Variants in ZFHX3 observed in about 807,000 individuals in gnomAD.
ZFHX3 encodes zinc finger homeobox protein 3.
Under a neutral mutation model 279.1 loss-of-function variants are expected in ZFHX3, and 42 were observed. The ratio of observed to expected loss-of-function variants is 0.15; its 90% CI spans 0.12 to 0.19. ZFHX3 has a LOEUF of 0.19. Ranked by LOEUF, ZFHX3 falls within the 10% of genes least tolerant of loss-of-function variation. The probability of loss-of-function intolerance (pLI) is 1.00; values close to 1 mark genes in which losing one functional copy is unlikely to be tolerated. For missense variants in ZFHX3, 4,981 were observed against 4,754.0 expected (o/e 1.05, Z -1.40); for synonymous variants, 2,293 against 1,957.8 (o/e 1.17, Z -4.52).
chr16:73,045,344 T>C (rs1965254957), intron 1 of ZFHX3, among the ~76,000 whole-genome samples: 1 of 152,240 alleles, frequency 6.6e-6, no homozygotes, highest in Non-Finnish European at 1.5e-5. Flanking sequence ...TGGGAGTGTC[T>C]AGCAAGCATC....
intron 3 of ZFHX3, among the ~76,000 whole-genome samples, chr16:72,935,463 G>A (rs1027248904): frequency 4.6e-5 from 7 of 152,134 alleles, no homozygotes; most frequent in African/African-American, 9.7e-5. Context: ...TCTTTTGGCC[G>A]GGTGCGGTAG....
chr16:72,853,268 A>T (rs2037664751), intron 4 of ZFHX3, among the ~76,000 whole-genome samples: 1 of 152,234 alleles, frequency 6.6e-6, no homozygotes, highest in Admixed American at 6.5e-5. Flanking sequence ...GGTGATTATG[A>T]TCAAGGTTCT....
chr16:73,493,968 A>C (rs1420438965), intron 2 of ZFHX3, among the ~76,000 whole-genome samples: 2 of 152,078 alleles, frequency 1.3e-5, no homozygotes, highest in African/African-American at 2.4e-5. Context: ...AAATGGCCTC[A>C]CTTCCTCCCC....
intron 3 of ZFHX3, among the ~76,000 whole-genome samples, chr16:73,356,089 A>T (rs2016335985): frequency 6.6e-6 from 1 of 152,238 alleles, no homozygotes; most frequent in South Asian, 2.1e-4. Context: ...GAATTAAAGA[A>T]GAGATCCAGG....
At chr16:73,697,625 C>T (rs943574131) in intron 1 of ZFHX3, among the ~76,000 whole-genome samples, 4 of 152,252 alleles carry the variant, frequency 2.6e-5, no homozygotes, top group Non-Finnish European at 2.9e-5. Context: ...CAAGACTTGG[C>T]TTAAAATTCT....
At chr16:72,909,891 A>AAG (rs1317737834) in intron 3 of ZFHX3, among the ~76,000 whole-genome samples, 1 of 150,250 alleles carries the variant, frequency 6.7e-6, no homozygotes, top group Non-Finnish European at 1.5e-5. Flanking sequence ...AAAAAAAAAA[A>AAG]AAAAAAAAAT....
At position 73,289,646 on chromosome 16, in the gene ZFHX3, A is replaced by C. The variant is rs116582448; in HGVS notation, c.-1194+28594T>G. On this transcript the variant is annotated intron_variant, in intron 4 of 17. Transcript: ENST00000641206. Reference sequence around the variant, plus strand: ...GCCATCCCCAAGCAGGAGCTGCATCATCCTTTCCTAGTACACCCGCTCTGC... The same window carrying C: ...GCCATCCCCAAGCAGGAGCTGCATCCTCCTTTCCTAGTACACCCGCTCTGC... 7.5e-3 allele frequency among the ~76,000 whole-genome samples: 1,142 copies of C among 152,080 alleles called. 16 individuals are homozygous for C. The highest frequency in any genetic ancestry group is 0.026 in the African/African-American group (1,090 of 41,494).
chr16:73,798,883 C>A (rs1189730717), intron 1 of ZFHX3, among the ~76,000 whole-genome samples: 2 of 152,206 alleles, frequency 1.3e-5, no homozygotes, highest in Non-Finnish European at 2.9e-5. Flanking sequence ...CACGAAAACC[C>A]TGCCTGATGT....
At chr16:73,021,599 G>A (rs1037950353) in intron 1 of ZFHX3, among the ~76,000 whole-genome samples, 2 of 152,052 alleles carry the variant, frequency 1.3e-5, no homozygotes, top group African/African-American at 4.8e-5. Flanking sequence ...GGGAGGCTGA[G>A]GTGGGTAGAT....
At chr16:72,942,312 G>C (rs1277074359) in intron 3 of ZFHX3, among the ~76,000 whole-genome samples, 1 of 152,184 alleles carries the variant, frequency 6.6e-6, no homozygotes, top group Non-Finnish European at 1.5e-5. Context: ...GAATGCAGAA[G>C]CAACGGAATA....
chr16:73,614,980 G>A (rs535773428), intron 2 of ZFHX3, among the ~76,000 whole-genome samples: 3 of 151,990 alleles, frequency 2.0e-5, no homozygotes, highest in South Asian at 2.1e-4. Flanking sequence ...GGCTGATCTC[G>A]AACTCCTGGG....
At chr16:73,014,594 C>G (rs1964033571) in intron 1 of ZFHX3, 1 of 122,300 alleles carries the variant, frequency 8.2e-6, no homozygotes, top group Non-Finnish European at 1.6e-5. Flanking sequence ...GTGGTGCGAT[C>G]TTAACTCACT....
At chr16:73,300,524 G>A (rs79501458) in intron 4 of ZFHX3, among the ~76,000 whole-genome samples, 7 of 150,416 alleles carry the variant, frequency 4.7e-5, no homozygotes, top group Non-Finnish European at 1.0e-4. Flanking sequence ...TTTTTTTTTG[G>A]ACAGAATCTC....
At chr16:73,729,295 AGTGG>A (rs1401753698) in intron 1 of ZFHX3, among the ~76,000 whole-genome samples, 1 of 152,154 alleles carries the variant, frequency 6.6e-6, no homozygotes, top group Non-Finnish European at 1.5e-5. Flanking sequence ...TGGAGGCCAA[AGTGG>A]GTGGATCATT....
chr16:72,948,180 G>C (rs1307635648), intron 3 of ZFHX3, among the ~76,000 whole-genome samples: 1 of 152,186 alleles, frequency 6.6e-6, no homozygotes, highest in Non-Finnish European at 1.5e-5. Flanking sequence ...ATTACCCAAG[G>C]ACTAATGAGA....
At chr16:73,782,870 A>C (rs1293951551) in intron 1 of ZFHX3, among the ~76,000 whole-genome samples, 1 of 152,196 alleles carries the variant, frequency 6.6e-6, no homozygotes, top group Non-Finnish European at 1.5e-5. Context: ...CTTAGGAATA[A>C]ACTGTTGTGT....
intron 2 of ZFHX3, among the ~76,000 whole-genome samples, chr16:73,486,238 T>C (rs186011316): frequency 4.5e-4 from 68 of 152,332 alleles, no homozygotes; most frequent in African/African-American, 1.3e-3. Context: ...AGTAAATGAC[T>C]TTGTAACTTT....
intron 2 of ZFHX3, among the ~76,000 whole-genome samples, chr16:73,473,002 G>C (rs1034028332): frequency 1.1e-5 from 1 of 94,946 alleles, no homozygotes; most frequent in Non-Finnish European, 2.2e-5. Flanking sequence ...TTTTTTTTTT[G>C]CCAGGACCCT....
chr16:73,416,359 G>A (rs2017580779), intron 3 of ZFHX3, among the ~76,000 whole-genome samples: 1 of 152,056 alleles, frequency 6.6e-6, no homozygotes, highest in African/African-American at 2.4e-5. Context: ...TACAAGGTGA[G>A]AATAAAAATG....
Sources: allele counts gnomAD v4.1 joint callset (sites outside exome capture counted in the v4.1 genomes callset), GRCh38; gene constraint gnomAD v4.1.1; transcripts MANE v1.5; gene names NCBI Gene and HGNC (gene_info 2026-07-23, HGNC 2026-07-21).